Variants in MACROD2 observed in about 807,000 individuals in gnomAD.
MACROD2 encodes the protein mono-ADP ribosylhydrolase 2.
MACROD2 carries 36 observed loss-of-function variants against 70.4 expected under a neutral mutation model. The observed-to-expected ratio is 0.51, with a 90% CI of 0.39 to 0.68. The LOEUF (loss-of-function observed/expected upper bound fraction) is 0.68, where lower values mean the gene tolerates loss of function less well. Ranked by LOEUF, MACROD2 falls within the 30% of genes least tolerant of loss-of-function variation. The pLI is 0.00. For missense variants in MACROD2, 496 were observed against 538.4 expected (o/e 0.92, Z 0.78); for synonymous variants, 172 against 178.8 (o/e 0.96, Z 0.30).
intron 13 of MACROD2, among the ~76,000 whole-genome samples, chr20:15,977,941 C>G (rs2066333150): frequency 6.6e-6 from 1 of 152,166 alleles, no homozygotes; most frequent in Non-Finnish European, 1.5e-5. Context: ...GAGATCACAG[C>G]ACTTACTTTC....
At chr20:15,205,491 C>T (rs910342856) in intron 5 of MACROD2, among the ~76,000 whole-genome samples, 4 of 151,954 alleles carry the variant, frequency 2.6e-5, no homozygotes, top group Admixed American at 6.6e-5. Flanking sequence ...TCCAAGAGAT[C>T]AAGGCAAAAC....
chr20:15,307,577 C>T (rs73265017), intron 6 of MACROD2, among the ~76,000 whole-genome samples: 139 of 152,114 alleles, frequency 9.1e-4, no homozygotes, highest in African/African-American at 3.2e-3. Context: ...AAGATATGAA[C>T]ATAATGCCCT....
At chr20:15,115,464 TCCTC>T (rs2123232667) in intron 5 of MACROD2, among the ~76,000 whole-genome samples, 1 of 152,198 alleles carries the variant, frequency 6.6e-6, no homozygotes. Context: ...CCTCAAGTGA[TCCTC>T]CCAACTCAGC....
chr20:15,363,920 C>T lies in MACROD2; in HGVS notation c.541-67485C>T, dbSNP rs558725133. Among the ~76,000 whole-genome samples the T allele has an allele frequency of 2.6e-5, 4 of 152,214 alleles. No homozygotes were observed. In the East Asian group the frequency reaches 7.7e-4, roughly 29 times the overall value. ...TACAAGGAATAGCAGTTAGCACATCCATTCATTATGTTTTGCTTACGTTTT... is the reference window on the plus strand; with the variant it reads ...TACAAGGAATAGCAGTTAGCACATCTATTCATTATGTTTTGCTTACGTTTT... On this transcript the variant is annotated intron_variant, in intron 6 of 17. Coordinates refer to ENST00000684519, the MANE Select transcript of MACROD2 (RefSeq NM_001351661.2).
chr20:15,126,775 T>C (rs2076070148), intron 5 of MACROD2, among the ~76,000 whole-genome samples: 1 of 152,132 alleles, frequency 6.6e-6, no homozygotes, highest in East Asian at 1.9e-4. Context: ...TGAGTCCTCA[T>C]GTCCCTTGGG....
intron 15 of MACROD2, among the ~76,000 whole-genome samples, chr20:15,987,676 T>G (rs2066505660): frequency 6.6e-6 from 1 of 152,184 alleles, no homozygotes; most frequent in Admixed American, 6.5e-5. Flanking sequence ...AGCATTATAA[T>G]GATTTCTGAA....
chr20:14,497,142 A>G (rs562381581), intron 4 of MACROD2, among the ~76,000 whole-genome samples: 2 of 151,748 alleles, frequency 1.3e-5, no homozygotes, highest in Non-Finnish European at 1.5e-5. Flanking sequence ...GAAAACATAC[A>G]GTTAAGATAC....
chr20:15,617,707 C>A (rs2049058315), intron 8 of MACROD2, among the ~76,000 whole-genome samples: 1 of 152,074 alleles, frequency 6.6e-6, no homozygotes, highest in Non-Finnish European at 1.5e-5. Context: ...TGTGATAAGC[C>A]CTGGGGCTAC....
At chr20:13,999,850 A>T (rs768284701) in intron 1 of MACROD2, among the ~76,000 whole-genome samples, 1 of 152,036 alleles carries the variant, frequency 6.6e-6, no homozygotes, top group Non-Finnish European at 1.5e-5. Flanking sequence ...ACTTTTTCTG[A>T]CCTTCCTGTA....
chr20:14,358,215 G>A (rs1271149311), intron 3 of MACROD2, among the ~76,000 whole-genome samples: 2 of 152,214 alleles, frequency 1.3e-5, no homozygotes, highest in Non-Finnish European at 2.9e-5. Flanking sequence ...ATAGGATAAA[G>A]TATGCAGGAG....
intron 3 of MACROD2, among the ~76,000 whole-genome samples, chr20:14,296,663 C>A (rs1487060679): frequency 1.3e-5 from 2 of 151,868 alleles, no homozygotes; most frequent in Non-Finnish European, 2.9e-5. Context: ...TAAATAATTA[C>A]CGTAAAAATG....
intron 5 of MACROD2, among the ~76,000 whole-genome samples, chr20:15,043,691 T>G (rs1301209109): frequency 1.3e-5 from 2 of 152,170 alleles, no homozygotes; most frequent in Non-Finnish European, 2.9e-5. Flanking sequence ...TCTAACACTT[T>G]GTCTGTACCC....
At chr20:15,318,281 A>G (rs147960825) in intron 6 of MACROD2, among the ~76,000 whole-genome samples, 1 of 152,284 alleles carries the variant, frequency 6.6e-6, no homozygotes, top group African/African-American at 2.4e-5. Flanking sequence ...AAACTGACTC[A>G]TGAAGAAACA....
At chr20:14,678,573 T>C (rs754122718) in intron 4 of MACROD2, among the ~76,000 whole-genome samples, 3 of 152,202 alleles carry the variant, frequency 2.0e-5, no homozygotes, top group Non-Finnish European at 4.4e-5. Context: ...TCTTGGGTTC[T>C]ATTCTTTTCT....
chr20:14,889,631 G>A (rs2073727706), intron 5 of MACROD2, among the ~76,000 whole-genome samples: 2 of 152,124 alleles, frequency 1.3e-5, no homozygotes, highest in Admixed American at 6.5e-5. Flanking sequence ...TTCAGCCAGG[G>A]AAGTCCCAGG....
At chr20:15,685,808 T>C (rs2050217626) in intron 8 of MACROD2, among the ~76,000 whole-genome samples, 1 of 152,220 alleles carries the variant, frequency 6.6e-6, no homozygotes, top group Non-Finnish European at 1.5e-5. Flanking sequence ...TTTGTTGCTC[T>C]TTTTTGAGGG....
chr20:15,929,627 G>A (rs560213721), intron 10 of MACROD2, among the ~76,000 whole-genome samples: 1 of 152,138 alleles, frequency 6.6e-6, no homozygotes, highest in Non-Finnish European at 1.5e-5. Flanking sequence ...CCAGTATAGC[G>A]ATGGATTTAT....
At chr20:14,954,518 A>T (rs1398491278) in intron 5 of MACROD2, among the ~76,000 whole-genome samples, 2 of 140,408 alleles carry the variant, frequency 1.4e-5, no homozygotes, top group Admixed American at 7.6e-5. Flanking sequence ...TTATATAATT[A>T]ATATTATATA....
intron 2 of MACROD2, among the ~76,000 whole-genome samples, chr20:14,073,219 C>T (rs2053872800): frequency 6.6e-6 from 1 of 151,872 alleles, no homozygotes; most frequent in Non-Finnish European, 1.5e-5. Flanking sequence ...GCCTGTAATC[C>T]CAGCTACTTG....
Sources: gnomAD v4.1 joint callset for allele counts (sites outside exome capture counted in the v4.1 genomes callset) on GRCh38, gnomAD v4.1.1 for gene constraint, MANE v1.5 for transcripts, NCBI Gene and HGNC (gene_info 2026-07-23, HGNC 2026-07-21) for gene names.